PI16: variants seen among roughly 807,000 people sequenced by gnomAD.
PI16 encodes the protein peptidase inhibitor 16.
Under a neutral mutation model 38.0 loss-of-function variants are expected in PI16, and 35 were observed. The ratio of observed to expected loss-of-function variants is 0.92; its 90% confidence interval spans 0.70 to 1.22. PI16 has a LOEUF of 1.22. Among genes scored for constraint, PI16 ranks in the 50% most tolerant of loss-of-function variants. The pLI is 0.00. For synonymous variants in PI16, 275 were observed against 252.9 expected (o/e 1.09, Z -0.83); for missense variants, 572 against 593.8 (o/e 0.96, Z 0.38).
Position 36,961,705 on chromosome 6 carries a change from A to G in PI16, c.503+145A>G, listed in dbSNP as rs958751042. On this transcript the variant is annotated intron_variant, in intron 3 of 6. Coordinates refer to ENST00000373674, the MANE Select transcript of PI16 (RefSeq NM_153370.3). The stretch of plus-strand genomic sequence containing the variant: ...CTGTCCAGGGAGCTGTGAAGGCACC[A>G]ATGGGGGTCTGCTGTCATCTGCCAG... The G allele has an allele frequency of 4.5e-6, 4 of 898,612 alleles. No homozygotes were observed. In the African/African-American group the frequency reaches 4.9e-5, roughly 11 times the overall value. The allele number at this position is 898,612 out of a possible 1,614,324, so 55.7% of individuals were successfully genotyped here.
At chr6:36,960,361 G>GTGTA (rs1763327962) in intron 2 of PI16, among the ~76,000 whole-genome samples, 2 of 148,510 alleles carry the variant, frequency 1.3e-5, no homozygotes, top group Non-Finnish European at 3.0e-5. Context: ...GTGTGTGTGT[G>GTGTA]TGTAGGGGAA....
chr6:36,956,290 A>G (rs752024511), intron 1 of PI16, among the ~76,000 whole-genome samples: 4 of 152,228 alleles, frequency 2.6e-5, no homozygotes, highest in Non-Finnish European at 5.9e-5. Context: ...AGCTCTGCCA[A>G]CAGCTCCCTG....
chr6:36,951,409 C>T (rs1006634818), upstream of PI16, among the ~76,000 whole-genome samples: 2 of 152,042 alleles, frequency 1.3e-5, no homozygotes, highest in South Asian at 4.1e-4. Context: ...GCCACCATGC[C>T]CAGCTGATTT....
chr6:36,955,504 C>A (rs1763180062), intron 1 of PI16, among the ~76,000 whole-genome samples: 1 of 152,082 alleles, frequency 6.6e-6, no homozygotes, highest in African/African-American at 2.4e-5. Flanking sequence ...CGGTCACCTA[C>A]AAGACCTATG....
chr6:36,959,674 A>T (rs903219500), intron 2 of PI16, among the ~76,000 whole-genome samples: 2 of 152,092 alleles, frequency 1.3e-5, no homozygotes, highest in East Asian at 3.9e-4. Context: ...GGAGTTGGAG[A>T]CCAGCCTGGG....
rs554230433 is a variant in PI16 at position 36,962,063 on chromosome 6, G to A, written c.592+89G>A. ...GTCTAAGAGCCTCCCTGGACTGAGC[G>A]GGACGTGGGCAGGGAAGGAGCCTGG... On this transcript the variant is annotated intron_variant, in intron 4 of 6. Coordinates refer to ENST00000373674, the MANE Select transcript of PI16 (RefSeq NM_153370.3). This position sits in a 1 kb window ranked among gnomAD's most constrained non-coding sequence, Gnocchi z 4.1. 46 of 1,172,208 alleles carry A rather than the reference G, an allele frequency of 3.9e-5. No homozygotes were observed. In the East Asian group the frequency reaches 6.6e-4, roughly 17 times the overall value. The allele number at this position is 1,172,208 out of a possible 1,614,324, so 72.6% of individuals were successfully genotyped here. A position where few individuals can be genotyped will look rare whatever the true frequency, so the allele number is the denominator to read the frequency against.
chr6:36,961,577 A>C lies in PI16; in HGVS notation c.503+17A>C. ...TGAGCCTCCGTGAGTGCCGGGGGGAACCCTGGAGATGGAGAGGGGGAAGGC... is the reference window on the plus strand; with the variant it reads ...TGAGCCTCCGTGAGTGCCGGGGGGACCCCTGGAGATGGAGAGGGGGAAGGC... On this transcript the variant is annotated intron_variant, in intron 3 of 6. Transcript: ENST00000373674. The C allele has an allele frequency of 3.7e-6, 6 of 1,609,724 alleles. No homozygotes were observed. Among genetic ancestry groups the C allele is most frequent in the Non-Finnish European group, 4.3e-6 (5 of 1,176,142 alleles).
chr6:36,958,681 C>T lies in PI16; in HGVS notation c.172-464C>T, dbSNP rs927556400. On this transcript the variant is annotated intron_variant, in intron 1 of 6. Coordinates refer to ENST00000373674, the MANE Select transcript of PI16 (RefSeq NM_153370.3). ...CTTAGAGGGAGAGGAAGGTGCCGGC[C>T]CTCAAGTCAGGTTCATGGTTGAGGG... Among the ~76,000 whole-genome samples the T allele has an allele frequency of 3.9e-5, 6 of 152,026 alleles. 1 individual carries two copies. In the South Asian group the frequency reaches 6.2e-4, roughly 16 times the overall value.
upstream of PI16, chr6:36,954,730 T>G (rs749696863): frequency 6.3e-7 from 1 of 1,595,880 alleles, no homozygotes; most frequent in Admixed American, 1.7e-5. Context: ...GCCAGACCCC[T>G]GGACGGGAGA....
Position 36,962,038 on chromosome 6 carries a change from G to T in PI16, c.592+64G>T. The T allele has an allele frequency of 7.2e-7, 1 of 1,387,704 alleles. No individual in the cohort carries two copies. The highest frequency in any genetic ancestry group is 1.4e-5 in the African/African-American group (1 of 70,578). 86.0% of individuals were successfully genotyped at this position (1,387,704 alleles called of 1,614,324 possible). A position where few individuals can be genotyped will look rare whatever the true frequency, so the allele number is the denominator to read the frequency against. ...GAAATGATGCGATGCAGACTGGATG[G>T]TCTAAGAGCCTCCCTGGACTGAGCG... On this transcript the variant is annotated intron_variant, in intron 4 of 6. Coordinates refer to ENST00000373674, the MANE Select transcript of PI16 (RefSeq NM_153370.3). The surrounding 1 kb of genome is among the most constrained non-coding windows in gnomAD (Gnocchi z 4.1).
intron 2 of PI16, among the ~76,000 whole-genome samples, chr6:36,959,768 G>A (rs997039398): frequency 2.0e-4 from 30 of 152,060 alleles, no homozygotes; most frequent in African/African-American, 7.2e-4. Flanking sequence ...CTCTGGAGGC[G>A]GAGGTGGAAG....
intron 1 of PI16, among the ~76,000 whole-genome samples, chr6:36,949,424 T>G (rs1761856620): frequency 1.3e-5 from 2 of 152,158 alleles, no homozygotes; most frequent in Admixed American, 1.3e-4. Context: ...GCCCGGTCAC[T>G]AAGTCCCCTT....
chr6:36,963,749 C>T, intron 5 of PI16, 74 bp from the exon 6 acceptor site: 1 of 1,532,034 alleles, frequency 6.5e-7, no homozygotes, highest in East Asian at 2.3e-5. Flanking sequence ...GCCCCACCTC[C>T]TTGCATGGTG....
upstream of PI16, chr6:36,954,477 T>G: frequency 2.8e-6 from 1 of 357,688 alleles, no homozygotes; most frequent in Non-Finnish European, 5.1e-6. Flanking sequence ...ACTGTGATTT[T>G]GCCCCTGAAG....
chr6:36,950,196 T>C (rs1294760330), upstream of PI16, among the ~76,000 whole-genome samples: 2 of 152,106 alleles, frequency 1.3e-5, no homozygotes, highest in Admixed American at 6.6e-5. The surrounding 1 kb of genome is among the most constrained non-coding windows in gnomAD (Gnocchi z 4.2). Flanking sequence ...CTCCCCATTC[T>C]CTCCTTCCTC....
rs1224274669 is a variant in PI16 at position 36,961,543 on chromosome 6, G to A, written c.486G>A (p.Val162=). 10 of 1,614,084 alleles carry A rather than the reference G, an allele frequency of 6.2e-6. No individual in the cohort carries two copies. Among genetic ancestry groups the A allele is most frequent in the African/African-American group, 2.7e-5 (2 of 74,924 alleles). ...AGGAGACCAACATCGAATTACTGGT[G>A]TGCAACTATGAGCCTCCGTGAGTGC... ...GVEETNIELL[V]CNYEPPGNVK... is the part of the protein sequence containing the mutation. Residue 162 remains valine (V), a synonymous_variant, in exon 3 of 7, where the codon GTG becomes GTA. Transcript: ENST00000373674.
At chr6:36,959,481 T>C (rs1763296547) in intron 2 of PI16, 115 bp downstream of exon 2, 3 of 1,058,782 alleles carry the variant, frequency 2.8e-6, no homozygotes, top group Admixed American at 2.8e-5. Context: ...TCGCTGCAAG[T>C]AGGCGGGCTT....
In PI16 at chr6:36,962,467, T is replaced by A. The variant is rs1470479894; in HGVS notation, c.593-468T>A. ...TCACCAGAAGTAACGTTTCTTTTCT[T>A]TTCTTTTTTCTTTTTCTTTTTTTTG... On this transcript the variant is annotated intron_variant, in intron 4 of 6. Transcript: ENST00000373674. The surrounding 1 kb of genome is among the most constrained non-coding windows in gnomAD (Gnocchi z 4.1). Among the ~76,000 whole-genome samples the A allele has an allele frequency of 2.0e-5, 3 of 152,172 alleles. No individual in the cohort carries two copies. The highest frequency in any genetic ancestry group is 7.2e-5 in the African/African-American group (3 of 41,458).
chr6:36,960,364 T>TGTGTGTGTGTGTGTG (rs1554141487), intron 2 of PI16, among the ~76,000 whole-genome samples: 2 of 139,342 alleles, frequency 1.4e-5, no homozygotes, highest in Non-Finnish European at 1.6e-5. Flanking sequence ...TGTGTGTGTG[T>TGTGTGTGTGTGTGTG]AGGGGAATTA....
Sources: allele counts gnomAD v4.1 joint callset (sites outside exome capture counted in the v4.1 genomes callset), GRCh38; gene constraint gnomAD v4.1.1; non-coding constraint Gnocchi (gnomAD v3.1); transcripts MANE v1.5; gene names NCBI Gene and HGNC (gene_info 2026-07-23, HGNC 2026-07-21).